LRRC1: variants seen among roughly 807,000 people sequenced by gnomAD.
LRRC1 encodes leucine-rich repeat-containing protein 1.
In LRRC1, 28 loss-of-function variants were observed where a neutral mutation model predicts 69.9. That is an observed-to-expected ratio of 0.40 (90% CI 0.30 to 0.55). The LOEUF is 0.55. Ranked by LOEUF, LRRC1 falls within the 20% of genes least tolerant of loss-of-function variation. LRRC1 has a pLI of 0.47. For synonymous variants in LRRC1, 236 were observed against 240.2 expected, an observed-to-expected ratio of 0.98 and a Z score of 0.16; for missense variants, 498 against 609.0, an observed-to-expected ratio of 0.82 and a Z score of 1.92.
Position 53,795,165 on chromosome 6 carries a change from G to A in LRRC1, c.-92G>A, listed in dbSNP as rs1232793134. 3 of 1,161,012 alleles carry A rather than the reference G, an allele frequency of 2.6e-6. No individual in the cohort carries two copies. The highest frequency in any genetic ancestry group is 2.4e-6 in the Non-Finnish European group (2 of 845,214). 71.9% of individuals were successfully genotyped at this position (1,161,012 alleles called of 1,614,324 possible). On this transcript the variant is annotated 5_prime_UTR_variant, in exon 1 of 14. Coordinates refer to ENST00000370888, the MANE Select transcript of LRRC1 (RefSeq NM_018214.5). ...AAGAGCCAACAACGAGCGCGGAGAG[G>A]GCAGCGGACTGAGCGGAGCCGCCGG... is the stretch of plus-strand genomic sequence containing the variant.
At chr6:53,920,438 C>T in intron 12 of LRRC1, 187 bp from the exon 13 acceptor site, 1 of 532,950 alleles carries the variant, frequency 1.9e-6, no homozygotes, top group Non-Finnish European at 3.3e-6. Context: ...AGGCCTTTTT[C>T]TTTTTGTTTT....
intron 10 of LRRC1, among the ~76,000 whole-genome samples, chr6:53,906,519 T>C (rs1255997603): frequency 2.0e-5 from 3 of 152,270 alleles, no homozygotes; most frequent in African/African-American, 7.2e-5. Flanking sequence ...CACAAGATTA[T>C]GTTCTAGACA....
Position 53,922,846 on chromosome 6 carries a change from C to G in LRRC1, c.*53C>G. 7 of 1,561,334 alleles carry G rather than the reference C, an allele frequency of 4.5e-6. No homozygotes were observed. The Admixed American group carries it at 1.2e-4, about 27-fold the overall frequency. On this transcript the variant is annotated 3_prime_UTR_variant, in exon 14 of 14. Coordinates refer to ENST00000370888, the MANE Select transcript of LRRC1 (RefSeq NM_018214.5). ...TGTCTTCCTCTGCTGTCGAGACGTT[C>G]CTGTCTGCTTCCCGGGAGCCTCACG...
chr6:53,862,286 C>CAT (rs1766551601), intron 2 of LRRC1, among the ~76,000 whole-genome samples: 1 of 144,264 alleles, frequency 6.9e-6, no homozygotes, highest in African/African-American at 2.6e-5. Context: ...TAACCTGAAT[C>CAT]GTGTGTGTGT....
chr6:53,808,869 A>G (rs1029266668), intron 1 of LRRC1, among the ~76,000 whole-genome samples: 1 of 152,172 alleles, frequency 6.6e-6, no homozygotes, highest in African/African-American at 2.4e-5. Flanking sequence ...AATAAATGAA[A>G]AGAAAAAGAG....
chr6:53,862,110 CTCTAGAG>C (rs936904037), intron 2 of LRRC1, among the ~76,000 whole-genome samples: 19 of 152,172 alleles, frequency 1.2e-4, no homozygotes, highest in African/African-American at 4.6e-4. Flanking sequence ...GACTCCATTT[CTCTAGAG>C]AATTCTGGTA....
Position 53,795,433 on chromosome 6 carries a change from C to G in LRRC1, c.159+18C>G. The G allele has an allele frequency of 6.2e-7, 1 of 1,601,510 alleles. No homozygotes were observed. Among genetic ancestry groups the G allele is most frequent in the Non-Finnish European group, 8.5e-7 (1 of 1,176,356 alleles). On this transcript the variant is annotated intron_variant, in intron 1 of 13. Transcript: ENST00000370888. ...TGCCCGAGGTAAGGGTCCGGCCTCACCTGAGCGCTCTGCCCGCTCGTCTGC... is the reference window on the plus strand; with the variant it reads ...TGCCCGAGGTAAGGGTCCGGCCTCAGCTGAGCGCTCTGCCCGCTCGTCTGC...
chr6:53,830,865 T>C (rs1765406886), intron 1 of LRRC1, among the ~76,000 whole-genome samples: 1 of 150,966 alleles, frequency 6.6e-6, no homozygotes, highest in African/African-American at 2.4e-5. Context: ...AATTGTGTGA[T>C]TTTATTATGT....
intron 1 of LRRC1, among the ~76,000 whole-genome samples, chr6:53,798,780 A>T (rs1764378074): frequency 1.3e-5 from 2 of 152,258 alleles, no homozygotes; most frequent in African/African-American, 2.4e-5. Flanking sequence ...AATCTTATAA[A>T]AATCTTCCTC....
rs1452167301 is a variant in LRRC1, at chr6:53,904,380, C to A, written c.908C>A (p.Thr303Asn). The change falls in exon 10 of 14, where the codon ACC becomes AAC. Residue 303 changes from threonine to asparagine, a missense_variant and splice_region_variant. Around this residue, in one of 3 missense-constraint regions of LRRC1, gnomAD observed 266 missense variants for 383.9 expected, o/e 0.69. Coordinates refer to ENST00000370888, the MANE Select transcript of LRRC1 (RefSeq NM_018214.5). ...ATAGTGAAATTGTTATTTTAACAGA[C>A]CCTGCCTAAAAGCATTGGAAAACTA... Reference protein sequence around the residue: ...ELVLTENQLLTLPKSIGKLKK... With the variant: ...ELVLTENQLLNLPKSIGKLKK... 6.3e-7 allele frequency: 1 copy of A among 1,598,394 alleles called. No individual in the cohort carries two copies. Among genetic ancestry groups the A allele is most frequent in the Admixed American group, 1.7e-5 (1 of 58,852 alleles).
chr6:53,804,871 T>C (rs575002027), intron 1 of LRRC1, among the ~76,000 whole-genome samples: 24 of 152,346 alleles, frequency 1.6e-4, no homozygotes, highest in Admixed American at 2.6e-4. Context: ...TACACAAATC[T>C]AATCTGTCGT....
At chr6:53,845,291 C>T (rs1765908306) in intron 2 of LRRC1, among the ~76,000 whole-genome samples, 1 of 152,186 alleles carries the variant, frequency 6.6e-6, no homozygotes, top group Non-Finnish European at 1.5e-5. Context: ...GTATAGGGGT[C>T]TTAGGCCATT....
At chr6:53,907,132 G>A (rs1768267539) in intron 10 of LRRC1, among the ~76,000 whole-genome samples, 1 of 152,230 alleles carries the variant, frequency 6.6e-6, no homozygotes, top group African/African-American at 2.4e-5. Flanking sequence ...CTGTGTGTAT[G>A]TTAGCTCTGC....
intron 1 of LRRC1, among the ~76,000 whole-genome samples, chr6:53,824,755 G>A (rs1765210181): frequency 6.6e-6 from 1 of 152,194 alleles, no homozygotes; most frequent in South Asian, 2.1e-4. Context: ...ATTTTGAGTA[G>A]GAAGAGGGGA....
intron 11 of LRRC1, among the ~76,000 whole-genome samples, chr6:53,915,948 T>C (rs904801113): frequency 5.3e-5 from 8 of 152,194 alleles, no homozygotes; most frequent in Non-Finnish European, 1.5e-5. Flanking sequence ...TTAAATACAA[T>C]AGAAGCTTCC....
At chr6:53,852,577 A>C (rs1766173419) in intron 2 of LRRC1, among the ~76,000 whole-genome samples, 1 of 152,196 alleles carries the variant, frequency 6.6e-6, no homozygotes, top group African/African-American at 2.4e-5. Flanking sequence ...AGAAGTTGTC[A>C]TGTGCCCCAA....
At chr6:53,797,619 G>C (rs1364315866) in intron 1 of LRRC1, among the ~76,000 whole-genome samples, 1 of 152,120 alleles carries the variant, frequency 6.6e-6, no homozygotes, top group Admixed American at 6.5e-5. Context: ...TATTTTGGTG[G>C]CCATACCAGC....
chr6:53,919,593 A>T lies in LRRC1; in HGVS notation c.1202A>T (p.Asp401Val). ...CAGCCCCTGCTTACATTCCAGACAGACACAGACTACACCACAGGAGAGAAG... is the reference window on the plus strand; with the variant it reads ...CAGCCCCTGCTTACATTCCAGACAGTCACAGACTACACCACAGGAGAGAAG... ...QSQPLLTFQT[D>V]TDYTTGEKIL... is the part of the protein sequence containing the mutation. The change falls in exon 12 of 14, where the codon GAC (aspartate) becomes GTC (valine). Residue 401 changes from aspartate (D) to valine (V), a missense_variant. By Grantham distance (152) the Asp-to-Val change is radical (BLOSUM62 -3). Around this residue, in one of 3 missense-constraint regions of LRRC1, gnomAD observed 162 missense variants for 162.9 expected, o/e 0.99. Transcript: ENST00000370888. 1.9e-6 allele frequency: 3 copies of T among 1,613,888 alleles called. No individual in the cohort carries two copies. The highest frequency in any genetic ancestry group is 2.5e-6 in the Non-Finnish European group (3 of 1,179,932).
rs188366456 is a variant in LRRC1 at position 53,839,663 on chromosome 6, C to T, written c.160-2447C>T. The stretch of plus-strand genomic sequence containing the variant: ...GTGGAAGATGAGGCTTTAGTTCTTA[C>T]AGTTTCTTTCCCATTCTCTCAATAT... On this transcript the variant is annotated intron_variant, in intron 1 of 13. Transcript: ENST00000370888. Among the ~76,000 whole-genome samples the T allele has an allele frequency of 1.7e-4, 26 of 152,166 alleles. No individual in the cohort carries two copies. In the South Asian group the frequency reaches 5.2e-3, roughly 30 times the overall value.
Sources: gnomAD v4.1 joint callset for allele counts (sites outside exome capture counted in the v4.1 genomes callset) on GRCh38, gnomAD v4.1.1 for gene constraint, gnomAD v4.1.1 regional missense constraint, MANE v1.5 for transcripts, NCBI Gene and HGNC (gene_info 2026-07-23, HGNC 2026-07-21) for gene names.